The following CPA6 variants were observed in gnomAD, a reference collection of about 807,000 sequenced individuals.
The protein encoded by CPA6 is carboxypeptidase B.
In CPA6, 58 loss-of-function variants were observed where a neutral mutation model predicts 63.3. The observed-to-expected ratio is 0.92, with a 90% CI of 0.74 to 1.14. The LOEUF (loss-of-function observed/expected upper bound fraction) is 1.14, where lower values mean the gene tolerates loss of function less well. Among genes scored for constraint, CPA6 ranks in the 50% most tolerant of loss-of-function variants. The pLI is 0.00. For missense variants in CPA6, 565 were observed against 526.6 expected, an observed-to-expected ratio of 1.07 and a Z score of -0.71; for synonymous variants, 185 against 179.0, an observed-to-expected ratio of 1.03 and a Z score of -0.27.
At chr8:67,547,843 C>T (rs1812852279) in intron 2 of CPA6, among the ~76,000 whole-genome samples, 2 of 152,294 alleles carry the variant, frequency 1.3e-5, no homozygotes, top group South Asian at 2.1e-4. Flanking sequence ...ATTCTCCATT[C>T]ATAGTTAATT....
At chr8:67,426,009 G>A (rs1809875038) in intron 10 of CPA6, among the ~76,000 whole-genome samples, 1 of 151,112 alleles carries the variant, frequency 6.6e-6, no homozygotes, top group Non-Finnish European at 1.5e-5. Flanking sequence ...AGATTCTCCT[G>A]CCTCAGCCTC....
rs1219599540 is a variant in CPA6 at position 67,572,795 on chromosome 8, A to G, written c.192+51381T>C. Among the ~76,000 whole-genome samples the G allele has an allele frequency of 2.6e-5, 4 of 152,240 alleles. No homozygotes were observed. The East Asian group carries it at 7.7e-4, about 29-fold the overall frequency. ...CCAAATTCTTTTTGCAAGGGCAGCA[A>G]TAACCTGACACCAAGGCCGGACAAA... On this transcript the variant is annotated intron_variant, in intron 2 of 10. Transcript: ENST00000297770.
intron 2 of CPA6, among the ~76,000 whole-genome samples, chr8:67,560,494 T>C (rs1243651742): frequency 6.6e-6 from 1 of 152,172 alleles, no homozygotes; most frequent in East Asian, 1.9e-4. Flanking sequence ...GTTCCCGTGA[T>C]AGGGAAAACC....
chr8:67,743,198 C>A (rs1484649485), intron 1 of CPA6, among the ~76,000 whole-genome samples: 1 of 152,180 alleles, frequency 6.6e-6, no homozygotes, highest in Non-Finnish European at 1.5e-5. Flanking sequence ...TGCTTCATTC[C>A]TTTCCTATGC....
At chr8:67,589,044 G>A (rs143986123) in intron 2 of CPA6, among the ~76,000 whole-genome samples, 238 of 152,082 alleles carry the variant, frequency 1.6e-3, no homozygotes, top group Non-Finnish European at 3.0e-3. Context: ...CCTGAGCCCC[G>A]GAGGCAGAGG....
At chr8:67,635,676 A>G in intron 1 of CPA6, among the ~76,000 whole-genome samples, 1 of 151,712 alleles carries the variant, frequency 6.6e-6, no homozygotes. Flanking sequence ...CTGAGGCAGA[A>G]GAATCACTTG....
intron 2 of CPA6, among the ~76,000 whole-genome samples, chr8:67,616,036 C>T (rs567427623): frequency 2.0e-5 from 3 of 152,230 alleles, no homozygotes; most frequent in South Asian, 4.1e-4. Flanking sequence ...TTTGACTGGC[C>T]CTATGGGTCA....
intron 2 of CPA6, among the ~76,000 whole-genome samples, chr8:67,623,893 A>C (rs1224036682): frequency 2.0e-5 from 3 of 152,062 alleles, no homozygotes; most frequent in Non-Finnish European, 4.4e-5. Flanking sequence ...CCCCGTCTCT[A>C]CTAAGAGGCC....
rs1284114295 is a variant in CPA6 at position 67,634,219 on chromosome 8, ATTT to A, written c.117-9971_117-9969del. Among the ~76,000 whole-genome samples, 43 of 102,254 alleles carry A rather than the reference ATTT, an allele frequency of 4.2e-4. 3 individuals are homozygous for A. The highest frequency in any genetic ancestry group is 1.3e-3 in the African/African-American group (33 of 24,962). The allele number at this position is 102,254 out of a possible 152,430, so 67.1% of individuals were successfully genotyped here. On this transcript the variant is annotated intron_variant, in intron 1 of 10. Transcript: ENST00000297770. ...TATTATTATTATTATTATTATTATT[ATTT>A]ATTTGTTTTTTTTTTGAGACGGAGT...
intron 8 of CPA6, among the ~76,000 whole-genome samples, chr8:67,459,567 C>A (rs1254375650): frequency 6.6e-6 from 1 of 152,118 alleles, no homozygotes; most frequent in East Asian, 1.9e-4. Context: ...AAAGGCAAAA[C>A]CGTGAGGGAA....
At chr8:67,452,846 C>G (rs1810584945) in intron 8 of CPA6, among the ~76,000 whole-genome samples, 1 of 152,104 alleles carries the variant, frequency 6.6e-6, no homozygotes, top group South Asian at 2.1e-4. Context: ...AAGGAGTTGG[C>G]TATGGCATCC....
At chr8:67,472,408 T>TTA (rs1563965928) in intron 8 of CPA6, among the ~76,000 whole-genome samples, 24 of 79,008 alleles carry the variant, frequency 3.0e-4, no homozygotes, top group Admixed American at 5.8e-4. Flanking sequence ...TTATTTTATC[T>TTA]TATCTTATTT....
chr8:67,467,572 C>G (rs527791166), intron 8 of CPA6, among the ~76,000 whole-genome samples: 2 of 152,304 alleles, frequency 1.3e-5, no homozygotes, highest in African/African-American at 4.8e-5. Context: ...TTAATAAGTG[C>G]TGCTTCCACA....
At chr8:67,735,594 A>G (rs1456093085) in intron 1 of CPA6, 1 of 152,164 alleles carries the variant, frequency 6.6e-6, no homozygotes, top group Non-Finnish European at 1.5e-5. Flanking sequence ...TAACTTACCT[A>G]ATATAATACC....
At chr8:67,632,751 A>G (rs1268646576) in intron 1 of CPA6, among the ~76,000 whole-genome samples, 1 of 152,192 alleles carries the variant, frequency 6.6e-6, no homozygotes, top group Non-Finnish European at 1.5e-5. Flanking sequence ...TTGGGTGGGA[A>G]GAATTATTTT....
At chr8:67,652,921 G>A (rs1176808251) in intron 1 of CPA6, among the ~76,000 whole-genome samples, 3 of 150,152 alleles carry the variant, frequency 2.0e-5, no homozygotes, top group Non-Finnish European at 3.0e-5. Context: ...TTTGTATAAG[G>A]TGTAAGGAAG....
At chr8:67,603,560 A>T (rs549551395) in intron 2 of CPA6, among the ~76,000 whole-genome samples, 1 of 152,216 alleles carries the variant, frequency 6.6e-6, no homozygotes, top group Non-Finnish European at 1.5e-5. Context: ...TGTTGAAAAA[A>T]GTTGAAGACA....
chr8:67,536,801 T>C (rs1812595183), intron 2 of CPA6, among the ~76,000 whole-genome samples: 1 of 152,210 alleles, frequency 6.6e-6, no homozygotes, highest in Non-Finnish European at 1.5e-5. Context: ...TTCCAGTTTT[T>C]GCCCATTCAG....
rs536921432 is a variant in CPA6, at chr8:67,641,388, A to C, written c.117-17137T>G. Reference sequence around the variant, plus strand: ...GGGATCCAAAATATTACTAATAATCAAGGAACTATAAAATGACCAGACTAA... The same window carrying C: ...GGGATCCAAAATATTACTAATAATCCAGGAACTATAAAATGACCAGACTAA... On this transcript the variant is annotated intron_variant, in intron 1 of 10. Coordinates refer to ENST00000297770, the MANE Select transcript of CPA6 (RefSeq NM_020361.5). Among the ~76,000 whole-genome samples the C allele has an allele frequency of 2.0e-5, 3 of 147,056 alleles. No homozygotes were observed. In the South Asian group the frequency reaches 6.2e-4, roughly 30 times the overall value.
Sources: gnomAD v4.1 joint callset for allele counts (sites outside exome capture counted in the v4.1 genomes callset) on GRCh38, gnomAD v4.1.1 for gene constraint, MANE v1.5 for transcripts, NCBI Gene and HGNC (gene_info 2026-07-23, HGNC 2026-07-21) for gene names.